NAV2: variants seen among roughly 807,000 people sequenced by gnomAD.
NAV2 encodes the protein helicase, APC down-regulated 1.
NAV2 carries 54 observed loss-of-function variants against 223.2 expected under a neutral mutation model. The observed-to-expected ratio is 0.24, with a 90% confidence interval of 0.19 to 0.30. NAV2 has a LOEUF of 0.30. Ranked by LOEUF, NAV2 falls within the 10% of genes least tolerant of loss-of-function variation. The pLI is 1.00. For synonymous variants in NAV2, 1,279 were observed against 1,239.3 expected (o/e 1.03, Z -0.67); for missense variants, 2,806 against 3,147.5 (o/e 0.89, Z 2.60).
chr11:19,895,397 G>T (rs1234269720), intron 6 of NAV2, among the ~76,000 whole-genome samples: 2 of 152,084 alleles, frequency 1.3e-5, no homozygotes, highest in Non-Finnish European at 2.9e-5. Flanking sequence ...TATGGTACCT[G>T]ATCTTTACAA....
intron 1 of NAV2, among the ~76,000 whole-genome samples, chr11:19,683,841 A>G (rs2048941938): frequency 6.6e-6 from 1 of 152,264 alleles, no homozygotes; most frequent in South Asian, 2.1e-4. Context: ...AACTCAGGAT[A>G]TTAAATTGTA....
intron 1 of NAV2, among the ~76,000 whole-genome samples, chr11:19,734,826 C>T (rs1421130751): frequency 6.6e-6 from 1 of 152,194 alleles, no homozygotes; most frequent in Admixed American, 6.5e-5. Context: ...AACACATTCT[C>T]TTAGCCAAGT....
chr11:19,997,260 G>C (rs1269533574), intron 11 of NAV2, among the ~76,000 whole-genome samples: 1 of 152,212 alleles, frequency 6.6e-6, no homozygotes, highest in Non-Finnish European at 1.5e-5. Context: ...CACCTAACCA[G>C]AAGCTGGTGG....
In NAV2 at chr11:19,977,429, C is replaced by G. The variant is rs561096251; in HGVS notation, c.2646-6696C>G. Among the ~76,000 whole-genome samples, 19 of 152,324 alleles carry G rather than the reference C, an allele frequency of 1.2e-4. No individual in the cohort carries two copies. In the South Asian group the frequency reaches 3.1e-3, roughly 25 times the overall value. ...GGGGTGACCCATAATCAGGAAGAGG[C>G]AATACTGTGTTCTTCGCTTGAATTT... On this transcript the variant is annotated intron_variant, in intron 10 of 37. Transcript: ENST00000349880.
intron 1 of NAV2, among the ~76,000 whole-genome samples, chr11:19,618,528 G>T (rs2046881970): frequency 6.6e-6 from 1 of 151,946 alleles, no homozygotes. Flanking sequence ...ATGGATGGAT[G>T]GATGGATGGA....
chr11:19,986,193 G>A (rs996117637), intron 11 of NAV2, among the ~76,000 whole-genome samples: 1 of 152,216 alleles, frequency 6.6e-6, no homozygotes, highest in Admixed American at 6.5e-5. Flanking sequence ...GGAGATGGAG[G>A]ATGAGGGTGG....
intron 1 of NAV2, among the ~76,000 whole-genome samples, chr11:19,480,858 T>A (rs1038556013): frequency 9.2e-5 from 14 of 152,210 alleles, no homozygotes; most frequent in Non-Finnish European, 1.5e-5. Flanking sequence ...CTGAGCGCTT[T>A]GTCTGTCTGT....
At chr11:19,353,480 G>T (rs1217949169) in intron 1 of NAV2, among the ~76,000 whole-genome samples, 1 of 152,150 alleles carries the variant, frequency 6.6e-6, no homozygotes. Flanking sequence ...AAATGCCAAT[G>T]GTGCTGTGTG....
At chr11:19,850,723 G>T (rs2061067872) in intron 3 of NAV2, among the ~76,000 whole-genome samples, 1 of 152,022 alleles carries the variant, frequency 6.6e-6, no homozygotes, top group African/African-American at 2.4e-5. Flanking sequence ...TGAGTTTTTT[G>T]TGTTGCTTGA....
intron 1 of NAV2, among the ~76,000 whole-genome samples, chr11:19,694,847 T>C (rs371632112): frequency 2.6e-5 from 4 of 152,200 alleles, no homozygotes; most frequent in African/African-American, 9.7e-5. Flanking sequence ...TGTACCTCTC[T>C]AGGTTGGAAA....
At chr11:20,036,179 T>G in intron 12 of NAV2, 82 bp downstream of exon 12, 2 of 1,528,822 alleles carry the variant, frequency 1.3e-6, no homozygotes, top group Non-Finnish European at 1.8e-6. Context: ...AGAGGGCCAT[T>G]TGGGGCAACC....
At chr11:19,899,080 C>G (rs1343457514) in intron 6 of NAV2, among the ~76,000 whole-genome samples, 1 of 152,160 alleles carries the variant, frequency 6.6e-6, no homozygotes, top group Non-Finnish European at 1.5e-5. Flanking sequence ...TGAATGAATT[C>G]TTCAGTTGGC....
At chr11:19,723,270 C>A (rs978595959) in intron 1 of NAV2, among the ~76,000 whole-genome samples, 11 of 152,218 alleles carry the variant, frequency 7.2e-5, no homozygotes, top group African/African-American at 1.9e-4. Flanking sequence ...CTCAAACGAA[C>A]TTTCTGAGCT....
Position 20,049,897 on chromosome 11 carries a change from G to C in NAV2, c.4432G>C (p.Asp1478His). ...CAGAAGTACTCTGCCCAGGAAACAG[G>C]ACAGGTAATGACATTGCAGGCCGGG... ...FCRSTLPRKQ[D>H]SDPHLDRNTL... Residue 1478 changes from aspartate (D) to histidine (H), a missense_variant, in exon 16 of 38, where the codon GAC becomes CAC. Physicochemically the swap from Asp to His is moderately conservative, Grantham distance 81 (BLOSUM62 -1). Transcript: ENST00000349880. 1 of 1,614,134 alleles carries C rather than the reference G, an allele frequency of 6.2e-7. No homozygotes were observed. The highest frequency in any genetic ancestry group is 8.5e-7 in the Non-Finnish European group (1 of 1,179,998).
At chr11:19,880,250 G>GAGA (rs1217855588) in intron 5 of NAV2, 123 bp downstream of exon 5, 2 of 1,341,382 alleles carry the variant, frequency 1.5e-6, no homozygotes, top group African/African-American at 3.0e-5. Context: ...AGCTACTGGT[G>GAGA]GTTAGTGGGA....
Position 20,000,162 on chromosome 11 carries a change from G to A in NAV2, c.2768+15915G>A, listed in dbSNP as rs190775313. On this transcript the variant is annotated intron_variant, in intron 11 of 37. Transcript: ENST00000349880. ...CCCTGATGGATAACTGGCAAAACCC[G>A]AAGTAGTTAACACGCTCCACATCCT... Among the ~76,000 whole-genome samples the A allele has an allele frequency of 2.4e-3, 360 of 152,302 alleles. 3 individuals are homozygous for A. The highest frequency in any genetic ancestry group is 7.7e-3 in the African/African-American group (321 of 41,564).
intron 1 of NAV2, among the ~76,000 whole-genome samples, chr11:19,560,518 T>C (rs1298947795): frequency 6.6e-6 from 1 of 152,232 alleles, no homozygotes; most frequent in Non-Finnish European, 1.5e-5. Context: ...ACTGAGGTCA[T>C]ACCTGTAAAA....
chr11:19,529,617 AGGGGTAC>A (rs1020853943), intron 1 of NAV2, among the ~76,000 whole-genome samples: 3 of 152,198 alleles, frequency 2.0e-5, no homozygotes, highest in Non-Finnish European at 4.4e-5. Context: ...TATAAGTCCC[AGGGGTAC>A]GGGAACTTTT....
intron 1 of NAV2, among the ~76,000 whole-genome samples, chr11:19,777,101 C>A (rs1458366269): frequency 2.0e-5 from 3 of 150,706 alleles, no homozygotes; most frequent in East Asian, 2.0e-4. Context: ...CGACCCCCCC[C>A]CCCACCCCGC....
Sources: allele counts gnomAD v4.1 joint callset (sites outside exome capture counted in the v4.1 genomes callset), GRCh38; gene constraint gnomAD v4.1.1; transcripts MANE v1.5; gene names NCBI Gene and HGNC (gene_info 2026-07-23, HGNC 2026-07-21).